The following SYT1 variants were observed in gnomAD, a reference collection of about 807,000 sequenced individuals.
SYT1 encodes synaptotagmin 1.
SYT1 carries 8 observed loss-of-function variants against 44.8 expected under a neutral mutation model. That is an observed-to-expected ratio of 0.18 (90% CI 0.10 to 0.32). The LOEUF (loss-of-function observed/expected upper bound fraction) is 0.32, where lower values mean the gene tolerates loss of function less well. Ranked by LOEUF, SYT1 falls within the 10% of genes least tolerant of loss-of-function variation. The pLI, the probability that SYT1 is intolerant of heterozygous loss-of-function variation, is 1.00. For synonymous variants in SYT1, 154 were observed against 188.8 expected, an observed-to-expected ratio of 0.82 and a Z score of 1.51; for missense variants, 286 against 509.3, an observed-to-expected ratio of 0.56 and a Z score of 4.22.
intron 1 of SYT1, among the ~76,000 whole-genome samples, chr12:78,946,859 C>T (rs1318655608): frequency 6.6e-6 from 1 of 151,954 alleles, no homozygotes; most frequent in Admixed American, 6.6e-5. Flanking sequence ...ATGTAATGAC[C>T]AGAGAAGATA....
At chr12:78,964,848 AAAAG>A (rs1354935062) in intron 1 of SYT1, among the ~76,000 whole-genome samples, 4 of 152,132 alleles carry the variant, frequency 2.6e-5, no homozygotes, top group Non-Finnish European at 4.4e-5. Context: ...TAGAAGAGCA[AAAAG>A]AAAGAAAGAT....
At chr12:79,387,814 A>G (rs1023500686) in intron 9 of SYT1, among the ~76,000 whole-genome samples, 1 of 152,236 alleles carries the variant, frequency 6.6e-6, no homozygotes, top group Admixed American at 6.5e-5. Flanking sequence ...ACGCCAGGCA[A>G]CAGTTGTAAA....
intron 1 of SYT1, among the ~76,000 whole-genome samples, chr12:78,953,844 C>T (rs1879088096): frequency 6.6e-6 from 1 of 151,956 alleles, no homozygotes; most frequent in Non-Finnish European, 1.5e-5. Flanking sequence ...TTGTTATTAG[C>T]ACTAAACTGG....
intron 9 of SYT1, chr12:79,393,717 G>A (rs578123253): frequency 3.9e-5 from 6 of 152,096 alleles, no homozygotes; most frequent in African/African-American, 1.2e-4. Context: ...TTGTCAAATG[G>A]GTAGATTGTG....
intron 4 of SYT1, among the ~76,000 whole-genome samples, chr12:79,252,325 TATC>T (rs528291466): frequency 7.4e-4 from 113 of 152,176 alleles, no homozygotes; most frequent in African/African-American, 2.2e-3. Context: ...TAAGGATTAT[TATC>T]ATCATCATCA....
intron 9 of SYT1, among the ~76,000 whole-genome samples, chr12:79,390,333 T>C (rs1884608780): frequency 6.6e-6 from 1 of 152,188 alleles, no homozygotes; most frequent in South Asian, 2.1e-4. Flanking sequence ...AGAAGTAACA[T>C]TTCTGGGTCA....
At chr12:78,960,852 T>G (rs1157302991) in intron 1 of SYT1, 1 of 152,188 alleles carries the variant, frequency 6.6e-6, no homozygotes, top group African/African-American at 2.4e-5. Context: ...AGAATGTCTA[T>G]TAGCCCAGTG....
At chr12:79,408,619 A>G (rs1427596792) in intron 9 of SYT1, among the ~76,000 whole-genome samples, 1 of 152,138 alleles carries the variant, frequency 6.6e-6, no homozygotes, top group Non-Finnish European at 1.5e-5. Flanking sequence ...AAACTATGAC[A>G]TGCTATAAAA....
intron 3 of SYT1, among the ~76,000 whole-genome samples, chr12:79,149,319 T>C (rs1321514675): frequency 6.6e-6 from 1 of 152,072 alleles, no homozygotes; most frequent in Non-Finnish European, 1.5e-5. Context: ...ACTTAAAATA[T>C]AGGGAGGTGA....
rs1002854150 is a variant in SYT1, at chr12:79,136,743, A to C, written c.-17-80760A>C. On this transcript the variant is annotated intron_variant, in intron 3 of 10. Coordinates refer to ENST00000261205, the MANE Select transcript of SYT1 (RefSeq NM_005639.3). ...AACTGAAAAACAATATGTTTGATGA[A>C]GTTATTTCATGTAAATGGTAAATCC... Among the ~76,000 whole-genome samples, 6 of 152,306 alleles carry C rather than the reference A, an allele frequency of 3.9e-5. No individual in the cohort carries two copies. The East Asian group carries it at 9.6e-4, about 24-fold the overall frequency.
At chr12:79,271,992 T>A (rs1356972093) in intron 4 of SYT1, among the ~76,000 whole-genome samples, 2 of 152,230 alleles carry the variant, frequency 1.3e-5, no homozygotes, top group Non-Finnish European at 2.9e-5. Context: ...TAGTCAATAT[T>A]TCTACCAATG....
chr12:79,095,073 A>G (rs576027373), intron 3 of SYT1, among the ~76,000 whole-genome samples: 2 of 152,078 alleles, frequency 1.3e-5, no homozygotes, highest in East Asian at 1.9e-4. Flanking sequence ...GTGTGCCCTC[A>G]GTAGACAAAA....
At chr12:79,220,282 TTTTA>T (rs1875079318) in intron 4 of SYT1, among the ~76,000 whole-genome samples, 1 of 152,044 alleles carries the variant, frequency 6.6e-6, no homozygotes, top group Admixed American at 6.5e-5. Context: ...TTGTTTCTTA[TTTTA>T]TTTATTTGAG....
At chr12:78,990,344 T>C (rs1443776132) in intron 2 of SYT1, among the ~76,000 whole-genome samples, 2 of 152,176 alleles carry the variant, frequency 1.3e-5, no homozygotes, top group Non-Finnish European at 2.9e-5. Context: ...AAATTAGTAA[T>C]ATATTAAATA....
At chr12:79,411,281 C>T (rs917316739) in intron 9 of SYT1, among the ~76,000 whole-genome samples, 1 of 152,130 alleles carries the variant, frequency 6.6e-6, no homozygotes, top group African/African-American at 2.4e-5. Context: ...TAAGTGTGAA[C>T]CTATGTCCTT....
Position 78,894,837 on chromosome 12 carries a change from C to A in SYT1, c.-217+29728C>A, listed in dbSNP as rs73134325. Among the ~76,000 whole-genome samples the A allele has an allele frequency of 5.8e-3, 870 of 150,680 alleles. 2 individuals are homozygous for A. Among genetic ancestry groups the A allele is most frequent in the Non-Finnish European group, 9.1e-3 (611 of 67,180 alleles). On this transcript the variant is annotated intron_variant, in intron 1 of 10. Transcript: ENST00000261205. Reference sequence around the variant, plus strand: ...AGACAAGAAGAGTAAGTTTAAGAGACCTATTGTACATCATGATGACTGTGG... The same window carrying A: ...AGACAAGAAGAGTAAGTTTAAGAGAACTATTGTACATCATGATGACTGTGG...
chr12:79,168,245 A>G (rs1871324843), intron 3 of SYT1, among the ~76,000 whole-genome samples: 1 of 152,112 alleles, frequency 6.6e-6, no homozygotes, highest in Non-Finnish European at 1.5e-5. Flanking sequence ...GAAAGTTGTC[A>G]GATTACCTCC....
chr12:79,411,210 T>C (rs1868408921), intron 9 of SYT1, among the ~76,000 whole-genome samples: 1 of 152,204 alleles, frequency 6.6e-6, no homozygotes, highest in African/African-American at 2.4e-5. Context: ...GCATATGGCT[T>C]TCATGCCATG....
At chr12:79,245,473 C>CAAAAAA (rs1273397377) in intron 4 of SYT1, among the ~76,000 whole-genome samples, 34 of 42,996 alleles carry the variant, frequency 7.9e-4, no homozygotes, top group Middle Eastern at 0.016. Context: ...ACTCCGTCAA[C>CAAAAAA]AAAAAAAAAA....
Sources: gnomAD v4.1 joint callset for allele counts (sites outside exome capture counted in the v4.1 genomes callset) on GRCh38, gnomAD v4.1.1 for gene constraint, MANE v1.5 for transcripts, NCBI Gene and HGNC (gene_info 2026-07-23, HGNC 2026-07-21) for gene names.